The following PRKCE variants were observed in gnomAD, a reference collection of about 807,000 sequenced individuals.
PRKCE encodes protein kinase C epsilon.
PRKCE carries 16 observed loss-of-function variants against 85.4 expected under a neutral mutation model. The ratio of observed to expected loss-of-function variants is 0.19; its 90% CI spans 0.13 to 0.28. PRKCE has a LOEUF of 0.28. Among genes scored for constraint, PRKCE ranks in the 10% least tolerant of loss-of-function variants. PRKCE has a pLI of 1.00. For synonymous variants in PRKCE, 388 were observed against 371.5 expected, an observed-to-expected ratio of 1.04 and a Z score of -0.51; for missense variants, 573 against 975.2, an observed-to-expected ratio of 0.59 and a Z score of 5.49.
intron 10 of PRKCE, among the ~76,000 whole-genome samples, chr2:46,026,456 G>C (rs1707118243): frequency 6.6e-6 from 1 of 152,166 alleles, no homozygotes; most frequent in African/African-American, 2.4e-5. Flanking sequence ...TACCTTTTTG[G>C]AAGATGGTAT....
intron 1 of PRKCE, among the ~76,000 whole-genome samples, chr2:45,680,350 G>GC (rs1407684457): frequency 6.6e-6 from 1 of 152,200 alleles, no homozygotes; most frequent in Non-Finnish European, 1.5e-5. Context: ...CGCTCTGTGT[G>GC]CCCCCTTCTT....
rs78119886 is a variant in PRKCE, at chr2:45,812,408, G to A, written c.349-30592G>A. 8.4e-3 allele frequency among the ~76,000 whole-genome samples: 1,275 copies of A among 152,260 alleles called. 10 individuals are homozygous for A. Among genetic ancestry groups the A allele is most frequent in the African/African-American group, 0.029 (1,216 of 41,548 alleles). ...GTTACCCAGCAAAACAAGTACTTACGGAGCATTGGTGTGAGTCAAGCCCTG... is the reference window on the plus strand; with the variant it reads ...GTTACCCAGCAAAACAAGTACTTACAGAGCATTGGTGTGAGTCAAGCCCTG... On this transcript the variant is annotated intron_variant, in intron 1 of 14. Coordinates refer to ENST00000306156, the MANE Select transcript of PRKCE (RefSeq NM_005400.3).
At chr2:46,012,130 C>T (rs953321331) in intron 10 of PRKCE, among the ~76,000 whole-genome samples, 2 of 152,126 alleles carry the variant, frequency 1.3e-5, no homozygotes, top group African/African-American at 4.8e-5. Context: ...CTTTTTTCCA[C>T]TAGAGCATAA....
chr2:45,885,032 G>T lies in PRKCE; in HGVS notation c.412+41969G>T, dbSNP rs958791834. 3.9e-5 allele frequency among the ~76,000 whole-genome samples: 5 copies of T among 128,360 alleles called. 1 individual carries two copies. The highest frequency in any genetic ancestry group is 2.7e-4 in the Admixed American group (3 of 11,050). 84.2% of individuals were successfully genotyped at this position (128,360 alleles called of 152,430 possible). A position where few individuals can be genotyped will look rare whatever the true frequency, so the allele number is the denominator to read the frequency against. The stretch of plus-strand genomic sequence containing the variant: ...TGTTGTTGTTGTTGTTTTACCAAGA[G>T]CTCAAGTGAAAATCCAGGTAGTTTT... On this transcript the variant is annotated intron_variant, in intron 2 of 14. Coordinates refer to ENST00000306156, the MANE Select transcript of PRKCE (RefSeq NM_005400.3).
At chr2:45,717,324 C>G (rs79128791) in intron 1 of PRKCE, among the ~76,000 whole-genome samples, 2 of 152,248 alleles carry the variant, frequency 1.3e-5, no homozygotes, top group African/African-American at 4.8e-5. Flanking sequence ...TAGATAACAA[C>G]TGGTTTGTTC....
intron 11 of PRKCE, among the ~76,000 whole-genome samples, chr2:46,121,101 A>G (rs1358507909): frequency 6.6e-6 from 1 of 152,216 alleles, no homozygotes; most frequent in Non-Finnish European, 1.5e-5. Flanking sequence ...TTCTTTTGAG[A>G]TAAATTGTGT....
At chr2:45,892,030 C>T (rs1173551265) in intron 2 of PRKCE, among the ~76,000 whole-genome samples, 1 of 152,208 alleles carries the variant, frequency 6.6e-6, no homozygotes, top group East Asian at 1.9e-4. Flanking sequence ...TTACCTTGGC[C>T]CTGCTCTCCA....
chr2:46,123,519 C>T (rs1199137643), intron 11 of PRKCE, among the ~76,000 whole-genome samples: 2 of 152,078 alleles, frequency 1.3e-5, no homozygotes, highest in African/African-American at 2.4e-5. Context: ...GACAGAGTCT[C>T]GCTCTGTCGC....
At chr2:45,865,521 C>T (rs1177610374) in intron 2 of PRKCE, among the ~76,000 whole-genome samples, 1 of 152,284 alleles carries the variant, frequency 6.6e-6, no homozygotes, top group East Asian at 1.9e-4. Flanking sequence ...ATGTCCCCTC[C>T]AAAATTCAGA....
intron 1 of PRKCE, among the ~76,000 whole-genome samples, chr2:45,784,158 G>C (rs1175375597): frequency 6.6e-6 from 1 of 152,272 alleles, no homozygotes; most frequent in African/African-American, 2.4e-5. Flanking sequence ...AGCAAAGAAG[G>C]CCAAGTGCAA....
At chr2:45,670,074 T>C (rs1427183354) in intron 1 of PRKCE, among the ~76,000 whole-genome samples, 2 of 152,202 alleles carry the variant, frequency 1.3e-5, no homozygotes, top group South Asian at 2.1e-4. Flanking sequence ...TTATCAGTCA[T>C]ACATAGATGT....
intron 2 of PRKCE, among the ~76,000 whole-genome samples, chr2:45,891,934 C>T (rs1484797204): frequency 6.6e-6 from 1 of 152,226 alleles, no homozygotes; most frequent in Non-Finnish European, 1.5e-5. Flanking sequence ...TCTTCCTACA[C>T]AGTGCTGCCG....
chr2:45,938,730 C>CAA (rs143813874), intron 2 of PRKCE, among the ~76,000 whole-genome samples: 1 of 151,730 alleles, frequency 6.6e-6, no homozygotes, highest in Non-Finnish European at 1.5e-5. Context: ...ACAAAGTAAA[C>CAA]AAATGTGCAA....
chr2:45,937,507 TGAA>T (rs970691886), intron 2 of PRKCE, among the ~76,000 whole-genome samples: 3 of 152,128 alleles, frequency 2.0e-5, no homozygotes, highest in African/African-American at 7.2e-5. Context: ...GGTCAGGAGA[TGAA>T]GACCATCCTG....
chr2:45,770,471 T>G (rs541667309), intron 1 of PRKCE, among the ~76,000 whole-genome samples: 7 of 152,280 alleles, frequency 4.6e-5, no homozygotes, highest in Non-Finnish European at 1.0e-4. Context: ...CTTCGGCCAC[T>G]TGTGTTTCTG....
chr2:45,905,881 T>A lies in PRKCE; in HGVS notation c.412+62818T>A, dbSNP rs1275189481. ...GAATAATTTCCTTGAAGGTCTTTACTCCAAGAGGTTCCCTGGGAGGAAGGA... is the reference window on the plus strand; with the variant it reads ...GAATAATTTCCTTGAAGGTCTTTACACCAAGAGGTTCCCTGGGAGGAAGGA... On this transcript the variant is annotated intron_variant, in intron 2 of 14. Transcript: ENST00000306156. This position sits in a 1 kb window ranked among gnomAD's most constrained non-coding sequence, Gnocchi z 4.4. 6.6e-6 allele frequency among the ~76,000 whole-genome samples: 1 copy of A among 152,248 alleles called. No homozygotes were observed. Among genetic ancestry groups the A allele is most frequent in the Non-Finnish European group, 1.5e-5 (1 of 68,042 alleles).
chr2:45,751,984 AT>A (rs1683611149), intron 1 of PRKCE, among the ~76,000 whole-genome samples: 1 of 148,034 alleles, frequency 6.8e-6, no homozygotes, highest in Admixed American at 6.7e-5. Context: ...CGCCCGGCTA[AT>A]TTTTTGTATT....
rs749060776 is a variant in PRKCE, at chr2:46,015,691, C to CAAA, written c.1437+5194_1437+5196dup. Reference sequence around the variant, plus strand: ...ACTCTGAAGAACAGAAACACTAAACCAAAAAAAAAAAAAAAAAAAAAACGA... The same window carrying CAAA: ...ACTCTGAAGAACAGAAACACTAAACCAAAAAAAAAAAAAAAAAAAAAAAAACGA... On this transcript the variant is annotated intron_variant, in intron 10 of 14. Transcript: ENST00000306156. Among the ~76,000 whole-genome samples, 117 of 80,736 alleles carry CAAA rather than the reference C, an allele frequency of 1.4e-3. 1 individual carries two copies. Among genetic ancestry groups the CAAA allele is most frequent in the African/African-American group, 4.7e-3 (102 of 21,918 alleles). 53.0% of individuals were successfully genotyped at this position (80,736 alleles called of 152,430 possible).
At chr2:45,931,222 G>C (rs559043052) in intron 2 of PRKCE, among the ~76,000 whole-genome samples, 3 of 152,178 alleles carry the variant, frequency 2.0e-5, no homozygotes, top group Non-Finnish European at 4.4e-5. Flanking sequence ...TGTAATTCTA[G>C]TATTATGGTG....
Sources: allele counts gnomAD v4.1 joint callset (sites outside exome capture counted in the v4.1 genomes callset), GRCh38; gene constraint gnomAD v4.1.1; non-coding constraint Gnocchi (gnomAD v3.1); transcripts MANE v1.5; gene names NCBI Gene and HGNC (gene_info 2026-07-23, HGNC 2026-07-21).